PEX5L: variants seen among roughly 807,000 people sequenced by gnomAD.
The protein encoded by PEX5L is PEX5-related protein.
In PEX5L, 30 loss-of-function variants were observed where a neutral mutation model predicts 84.0. That is an observed-to-expected ratio of 0.36 (90% CI 0.27 to 0.48). PEX5L has a LOEUF of 0.48. Ranked by LOEUF, PEX5L falls within the 20% of genes least tolerant of loss-of-function variation. The pLI, the probability that PEX5L is intolerant of heterozygous loss-of-function variation, is 0.99. For missense variants in PEX5L, 533 were observed against 754.6 expected, an observed-to-expected ratio of 0.71 and a Z score of 3.44; for synonymous variants, 270 against 283.1, an observed-to-expected ratio of 0.95 and a Z score of 0.46.
chr3:179,851,553 T>C (rs1293067981), intron 8 of PEX5L, among the ~76,000 whole-genome samples: 2 of 152,196 alleles, frequency 1.3e-5, no homozygotes, highest in African/African-American at 4.8e-5. Context: ...CAGTAAACTT[T>C]TTCACTGCCC....
At chr3:179,911,397 T>C (rs1395851821) in intron 2 of PEX5L, among the ~76,000 whole-genome samples, 2 of 152,068 alleles carry the variant, frequency 1.3e-5, no homozygotes, top group Non-Finnish European at 2.9e-5. Flanking sequence ...CAATAATACT[T>C]TCTTGTGTGA....
At chr3:179,998,278 T>A (rs565056517) in intron 1 of PEX5L, among the ~76,000 whole-genome samples, 1 of 152,162 alleles carries the variant, frequency 6.6e-6, no homozygotes, top group Non-Finnish European at 1.5e-5. Context: ...CATTCCTCAT[T>A]TGGGTGTGTT....
At chr3:180,011,733 G>A (rs555567250) in intron 1 of PEX5L, among the ~76,000 whole-genome samples, 48 of 152,302 alleles carry the variant, frequency 3.2e-4, no homozygotes, top group Non-Finnish European at 5.0e-4. Context: ...ATTAGACAGT[G>A]AGCTATCCCT....
intron 14 of PEX5L, among the ~76,000 whole-genome samples, chr3:179,803,844 T>C (rs1035665266): frequency 6.6e-6 from 1 of 152,210 alleles, no homozygotes; most frequent in African/African-American, 2.4e-5. Context: ...ATGGTGTATG[T>C]AGCAATCTGG....
intron 6 of PEX5L, 21 bp from the exon 7 acceptor site, chr3:179,874,444 A>T: frequency 7.7e-7 from 1 of 1,298,932 alleles, no homozygotes; most frequent in Non-Finnish European, 1.1e-6. Flanking sequence ...TGCATTAAGG[A>T]AATTAAACGT....
chr3:179,836,812 A>G (rs779826289), intron 8 of PEX5L, among the ~76,000 whole-genome samples: 1 of 152,184 alleles, frequency 6.6e-6, no homozygotes, highest in Non-Finnish European at 1.5e-5. Context: ...TGGGCTTCTT[A>G]GCCTTGAGAG....
intron 8 of PEX5L, among the ~76,000 whole-genome samples, chr3:179,848,839 G>A (rs1290198637): frequency 6.6e-6 from 1 of 152,162 alleles, no homozygotes; most frequent in East Asian, 1.9e-4. Flanking sequence ...GCTTGACTAA[G>A]ACCCTGCCAA....
intron 8 of PEX5L, among the ~76,000 whole-genome samples, chr3:179,856,061 GA>G (rs1743822314): frequency 6.6e-6 from 1 of 152,168 alleles, no homozygotes; most frequent in Admixed American, 6.5e-5. Flanking sequence ...CTTGCTAGTT[GA>G]CTTTCAGTCT....
At chr3:179,947,717 T>C (rs1472973283) in intron 2 of PEX5L, among the ~76,000 whole-genome samples, 1 of 150,570 alleles carries the variant, frequency 6.6e-6, no homozygotes, top group African/African-American at 2.4e-5. Context: ...TTACTTTTTT[T>C]TTTTTTTGAG....
chr3:180,032,928 T>C (rs1382156103), intron 1 of PEX5L, among the ~76,000 whole-genome samples: 2 of 152,154 alleles, frequency 1.3e-5, no homozygotes, highest in African/African-American at 4.8e-5. Context: ...ATGATAAATA[T>C]CATCTGCTTT....
At position 179,941,428 on chromosome 3, in the gene PEX5L, T is replaced by C. The variant is rs550225698; in HGVS notation, c.93+30166A>G. Among the ~76,000 whole-genome samples the C allele has an allele frequency of 1.7e-4, 26 of 152,366 alleles. No individual in the cohort carries two copies. In the South Asian group the frequency reaches 5.4e-3, roughly 32 times the overall value. ...TCCTTTTGTGTCTGCATTATTTCAT[T>C]CACCATGATGTTATAGTAAGCGTTC... On this transcript the variant is annotated intron_variant, in intron 2 of 14. Transcript: ENST00000467460.
At position 179,898,229 on chromosome 3, in the gene PEX5L, C is replaced by A. The variant is rs377189247; in HGVS notation, c.111G>T (p.Ala37=). Residue 37 remains alanine, a synonymous_variant, in exon 3 of 15, where the codon GCG becomes GCT. Coordinates refer to ENST00000467460, the MANE Select transcript of PEX5L (RefSeq NM_016559.3). ...VDQKQGKGSR[A]ADKAVAMVMK... is the part of the protein sequence containing the mutation. ...TCACCATGGCAACAGCCTTATCTGCCGCCCTAGAGCCTTTTCCCTATAACA... is the reference window on the plus strand; with the variant it reads ...TCACCATGGCAACAGCCTTATCTGCAGCCCTAGAGCCTTTTCCCTATAACA... 9.9e-6 allele frequency: 16 copies of A among 1,612,616 alleles called. No homozygotes were observed. Among genetic ancestry groups the A allele is most frequent in the Middle Eastern group, 1.6e-4 (1 of 6,082 alleles).
chr3:180,022,813 T>G (rs533064006), intron 1 of PEX5L, among the ~76,000 whole-genome samples: 1 of 152,310 alleles, frequency 6.6e-6, no homozygotes, highest in South Asian at 2.1e-4. Context: ...GTTTTGTGAC[T>G]GTTCTGTACT....
At chr3:179,837,745 T>G (rs1236251515) in intron 8 of PEX5L, among the ~76,000 whole-genome samples, 2 of 152,246 alleles carry the variant, frequency 1.3e-5, no homozygotes, top group Non-Finnish European at 2.9e-5. Context: ...GAGAAATCTG[T>G]GCAGTTGCTG....
At chr3:179,808,537 T>C (rs1461797305) in intron 12 of PEX5L, 100 bp from the exon 13 acceptor site, 1 of 932,384 alleles carries the variant, frequency 1.1e-6, no homozygotes, top group Non-Finnish European at 1.5e-6. Flanking sequence ...GTCTCTTCGT[T>C]ACAGACTGGA....
intron 1 of PEX5L, among the ~76,000 whole-genome samples, chr3:180,025,696 T>C (rs991870645): frequency 1.2e-4 from 19 of 152,016 alleles, no homozygotes; most frequent in Non-Finnish European, 2.6e-4. Context: ...AAACTAGAAC[T>C]GTGAGAAAAC....
chr3:179,973,568 C>A, intron 1 of PEX5L: 1 of 977,652 alleles, frequency 1.0e-6, no homozygotes, highest in South Asian at 4.7e-5. Context: ...CATATGGACT[C>A]TTCAGCCTCC....
At chr3:180,023,943 G>A (rs1561077932) in intron 1 of PEX5L, among the ~76,000 whole-genome samples, 1 of 151,666 alleles carries the variant, frequency 6.6e-6, no homozygotes, top group Non-Finnish European at 1.5e-5. Context: ...CAGATTGGCT[G>A]TGCAAAGATG....
intron 7 of PEX5L, among the ~76,000 whole-genome samples, chr3:179,861,613 T>C (rs1378796720): frequency 2.6e-5 from 4 of 152,196 alleles, no homozygotes; most frequent in Non-Finnish European, 1.5e-5. Context: ...CATGAACAAG[T>C]AGCCTCCTTC....
Sources: gnomAD v4.1 joint callset for allele counts (sites outside exome capture counted in the v4.1 genomes callset) on GRCh38, gnomAD v4.1.1 for gene constraint, MANE v1.5 for transcripts, NCBI Gene and HGNC (gene_info 2026-07-23, HGNC 2026-07-21) for gene names.